VEGFC: variants seen among roughly 807,000 people sequenced by gnomAD.
VEGFC encodes vascular endothelial growth factor C.
In VEGFC, 12 loss-of-function variants were observed where a neutral mutation model predicts 46.1. The ratio of observed to expected loss-of-function variants is 0.26; its 90% CI spans 0.17 to 0.42. The LOEUF (loss-of-function observed/expected upper bound fraction) is 0.42, where lower values mean the gene tolerates loss of function less well. VEGFC is among the 10% of genes least tolerant of loss of function. The probability of loss-of-function intolerance (pLI) is 1.00; values close to 1 mark genes in which losing one functional copy is unlikely to be tolerated. For missense variants in VEGFC, 488 were observed against 529.4 expected, an observed-to-expected ratio of 0.92 and a Z score of 0.77; for synonymous variants, 232 against 195.5, an observed-to-expected ratio of 1.19 and a Z score of -1.56.
At chr4:176,687,714 C>T (rs1270985120) in intron 5 of VEGFC, 107 bp downstream of exon 5, 8 of 1,047,802 alleles carry the variant, frequency 7.6e-6, no homozygotes, top group Non-Finnish European at 1.1e-5. Flanking sequence ...TTTTTAGTCA[C>T]TTATTTAGAA....
At chr4:176,689,784 A>G (rs1734116124) in intron 4 of VEGFC, 1 of 152,206 alleles carries the variant, frequency 6.6e-6, no homozygotes. Context: ...CAGCATATAC[A>G]CGGTCCATGT....
chr4:176,748,778 A>C (rs952032478), intron 1 of VEGFC, among the ~76,000 whole-genome samples: 3 of 151,938 alleles, frequency 2.0e-5, no homozygotes, highest in African/African-American at 7.2e-5. Context: ...CTTTAAAAGA[A>C]GTTTCTGAAT....
At chr4:176,707,184 C>T (rs560113276) in intron 4 of VEGFC, among the ~76,000 whole-genome samples, 106 of 152,252 alleles carry the variant, frequency 7.0e-4, no homozygotes, top group African/African-American at 2.4e-3. Context: ...TAATAAAGAA[C>T]ATTTGTACAC....
chr4:176,713,071 A>G (rs554864716), intron 3 of VEGFC, among the ~76,000 whole-genome samples: 1 of 152,328 alleles, frequency 6.6e-6, no homozygotes, highest in South Asian at 2.1e-4. Flanking sequence ...TATAAAGATT[A>G]CATAAACTAA....
intron 1 of VEGFC, among the ~76,000 whole-genome samples, chr4:176,781,032 T>C (rs185986689): frequency 6.6e-6 from 1 of 152,296 alleles, no homozygotes; most frequent in Non-Finnish European, 1.5e-5. Flanking sequence ...CTGCTACCAA[T>C]ATTAAAGGAA....
chr4:176,764,203 C>T (rs1312587715), intron 1 of VEGFC, among the ~76,000 whole-genome samples: 1 of 152,144 alleles, frequency 6.6e-6, no homozygotes, highest in Non-Finnish European at 1.5e-5. Context: ...GGTGAGCAGA[C>T]ATTATGAGAG....
At chr4:176,719,554 C>T (rs773514013) in intron 3 of VEGFC, among the ~76,000 whole-genome samples, 47 of 152,198 alleles carry the variant, frequency 3.1e-4, no homozygotes, top group Non-Finnish European at 5.6e-4. Context: ...CCTGGATATG[C>T]ACTTCCATAA....
At chr4:176,746,018 G>A (rs1295220440) in intron 1 of VEGFC, among the ~76,000 whole-genome samples, 2 of 152,074 alleles carry the variant, frequency 1.3e-5, no homozygotes, top group Non-Finnish European at 2.9e-5. Flanking sequence ...CAGAAGTCAA[G>A]TAATTTGTGA....
At chr4:176,716,199 A>G (rs902573127) in intron 3 of VEGFC, among the ~76,000 whole-genome samples, 11 of 152,152 alleles carry the variant, frequency 7.2e-5, no homozygotes, top group Admixed American at 5.9e-4. Flanking sequence ...CTATTTATTC[A>G]GTACCTACAT....
At position 176,792,150 on chromosome 4, in the gene VEGFC, C is replaced by G. The variant is rs573309185; in HGVS notation, c.147+15G>C. ...CAAACTCTCGGGTTCTCCGCAAACC[C>G]TAACGCAGACCTACCGTGGCCTCGC... On this transcript the variant is annotated intron_variant, in intron 1 of 6. Coordinates refer to ENST00000618562, the MANE Select transcript of VEGFC (RefSeq NM_005429.5). This position sits in a 1 kb window ranked among gnomAD's most constrained non-coding sequence, Gnocchi z 6.3. The G allele has an allele frequency of 1.8e-5, 26 of 1,479,784 alleles. No homozygotes were observed. The South Asian group carries it at 3.6e-4, about 21-fold the overall frequency. 91.7% of individuals were successfully genotyped at this position (1,479,784 alleles called of 1,614,324 possible).
rs954795759 is a variant in VEGFC, at chr4:176,749,654, A to C, written c.148-19908T>G. The stretch of plus-strand genomic sequence containing the variant: ...TATACAAAAATATTTATAGAATATA[A>C]AATTTTCAAGAACATAAAAAATAAA... On this transcript the variant is annotated intron_variant, in intron 1 of 6. Transcript: ENST00000618562. Among the ~76,000 whole-genome samples the C allele has an allele frequency of 5.9e-5, 9 of 151,974 alleles. 1 individual carries two copies. Among genetic ancestry groups the C allele is most frequent in the Admixed American group, 2.0e-4 (3 of 15,246 alleles).
intron 3 of VEGFC, among the ~76,000 whole-genome samples, chr4:176,718,935 T>G (rs1734737997): frequency 6.6e-6 from 1 of 152,192 alleles, no homozygotes; most frequent in Admixed American, 6.5e-5. Context: ...AACATACAAC[T>G]TCTCATAAGA....
chr4:176,738,308 A>C (rs1352065066), intron 1 of VEGFC, among the ~76,000 whole-genome samples: 1 of 152,080 alleles, frequency 6.6e-6, no homozygotes, highest in South Asian at 2.1e-4. Flanking sequence ...ACTATACTAC[A>C]AGTCAACAGT....
At chr4:176,727,745 C>A (rs778132100) in intron 3 of VEGFC, 33 bp downstream of exon 3, 2 of 1,579,506 alleles carry the variant, frequency 1.3e-6, no homozygotes, top group African/African-American at 1.4e-5. Context: ...ATTAAGGGGG[C>A]TCTCGCAGGT....
At chr4:176,716,243 C>A (rs1053790910) in intron 3 of VEGFC, among the ~76,000 whole-genome samples, 1 of 152,156 alleles carries the variant, frequency 6.6e-6, no homozygotes, top group Admixed American at 6.5e-5. Flanking sequence ...CTCAGGATAA[C>A]AGTCATCAGT....
Position 176,711,531 on chromosome 4 carries a change from A to G in VEGFC, c.672T>C (p.Ile224=). 6.2e-7 allele frequency: 1 copy of G among 1,613,268 alleles called. No homozygotes were observed. The highest frequency in any genetic ancestry group is 2.2e-5 in the East Asian group (1 of 44,840). ...KLDVYRQVHS[I]IRRSLPATLP... ...GTGTTGCTGGCAGGGAACGTCTAAT[A>G]ATGGAATGAACTTGTCTGTAAACAT... Residue 224 remains isoleucine, a synonymous_variant, in exon 4 of 7, where the codon ATT becomes ATC. Coordinates refer to ENST00000618562, the MANE Select transcript of VEGFC (RefSeq NM_005429.5).
chr4:176,750,928 T>A (rs1007981662), intron 1 of VEGFC, among the ~76,000 whole-genome samples: 32 of 150,992 alleles, frequency 2.1e-4, no homozygotes, highest in African/African-American at 7.3e-4. Context: ...GAAATCCCAA[T>A]AGGACAAAAA....
At position 176,711,634 on chromosome 4, in the gene VEGFC, A is replaced by C; in HGVS notation, c.569T>G (p.Val190Gly). ...TGGTTTGGGGCCTTGAGAGAGAGGC[A>C]CTGTAATTTCAAATAACTACAAAGA... The part of the protein sequence containing the change: ...YLSKTLFEIT[V>G]PLSQGPKPVT... Residue 190 changes from valine to glycine, a missense_variant, in exon 4 of 7, where the codon GTG becomes GGG. By Grantham distance (109) the Val-to-Gly change is moderately radical. Transcript: ENST00000618562. 6.2e-7 allele frequency: 1 copy of C among 1,613,286 alleles called. No homozygotes were observed.
At chr4:176,692,818 C>T (rs902239016) in intron 4 of VEGFC, among the ~76,000 whole-genome samples, 9 of 145,534 alleles carry the variant, frequency 6.2e-5, no homozygotes, top group Non-Finnish European at 9.0e-5. Context: ...GGTCCCTGAC[C>T]CCTGACCCCC....
Sources: allele counts gnomAD v4.1 joint callset (sites outside exome capture counted in the v4.1 genomes callset), GRCh38; gene constraint gnomAD v4.1.1; non-coding constraint Gnocchi (gnomAD v3.1); transcripts MANE v1.5; gene names NCBI Gene and HGNC (gene_info 2026-07-23, HGNC 2026-07-21).